Variants in TRIP12 observed in about 807,000 individuals in gnomAD.
TRIP12 encodes the protein E3 ubiquitin-protein ligase TRIP12.
In TRIP12, 25 loss-of-function variants were observed where a neutral mutation model predicts 244.2. The observed-to-expected ratio is 0.10, with a 90% CI of 0.07 to 0.14. The LOEUF (loss-of-function observed/expected upper bound fraction) is 0.14, where lower values mean the gene tolerates loss of function less well. Ranked by LOEUF, TRIP12 falls within the 10% of genes least tolerant of loss-of-function variation. The pLI is 1.00. For synonymous variants in TRIP12, 905 were observed against 873.1 expected (o/e 1.04, Z -0.64); for missense variants, 1,677 against 2,486.4 (o/e 0.67, Z 6.92).
upstream of TRIP12, chr2:229,922,222 G>T: frequency 3.2e-6 from 1 of 312,648 alleles, no homozygotes; most frequent in Non-Finnish European, 6.0e-6. Flanking sequence ...TCCCTTCGAG[G>T]GACCAGGAAG....
intron 1 of TRIP12, among the ~76,000 whole-genome samples, chr2:229,914,884 A>G (rs2075078312): frequency 6.6e-6 from 1 of 152,218 alleles, no homozygotes; most frequent in Non-Finnish European, 1.5e-5. Context: ...CATGCTCTCT[A>G]AAAAGAAACA....
chr2:229,772,282 A>C lies in TRIP12; in HGVS notation c.5695-650T>G, dbSNP rs561607365. Among the ~76,000 whole-genome samples, 28 of 152,374 alleles carry C rather than the reference A, an allele frequency of 1.8e-4. 1 individual carries two copies. The South Asian group carries it at 5.0e-3, about 27-fold the overall frequency. ...TAGGATTTTCTTGATAGAAAATTAT[A>C]AGCATTAGTATAAATTATTTTGAGA... On this transcript the variant is annotated intron_variant, in intron 38 of 41. Transcript: ENST00000675903.
At chr2:229,872,767 T>C (rs2062898892) in intron 2 of TRIP12, among the ~76,000 whole-genome samples, 1 of 152,224 alleles carries the variant, frequency 6.6e-6, no homozygotes, top group Admixed American at 6.5e-5. Context: ...AACTCTTAAG[T>C]ATCCCTATAA....
intron 1 of TRIP12, among the ~76,000 whole-genome samples, chr2:229,890,290 G>A (rs1199284348): frequency 1.3e-5 from 2 of 152,032 alleles, no homozygotes; most frequent in African/African-American, 2.4e-5. Flanking sequence ...ATGTTGGCCA[G>A]GCTGGTCTGG....
chr2:229,845,863 G>A lies in TRIP12; in HGVS notation c.1028-4936C>T, dbSNP rs949744903. Among the ~76,000 whole-genome samples, 6 of 87,760 alleles carry A rather than the reference G, an allele frequency of 6.8e-5. No homozygotes were observed. The South Asian group carries it at 1.3e-3, about 19-fold the overall frequency. The allele number at this position is 87,760 out of a possible 152,430, so 57.6% of individuals were successfully genotyped here. A position where few individuals can be genotyped will look rare whatever the true frequency, so the allele number is the denominator to read the frequency against. Reference sequence around the variant, plus strand: ...CAACATAGTTTCTACAAAAAATTACGAAGAAAAAAAAAAATTAGCTGGGTG... The same window carrying A: ...CAACATAGTTTCTACAAAAAATTACAAAGAAAAAAAAAAATTAGCTGGGTG... On this transcript the variant is annotated intron_variant, in intron 4 of 41. Transcript: ENST00000675903.
At chr2:229,858,026 T>C in intron 4 of TRIP12, among the ~76,000 whole-genome samples, 1 of 152,032 alleles carries the variant, frequency 6.6e-6, no homozygotes, top group East Asian at 1.9e-4. Flanking sequence ...TTTATAGTAA[T>C]AACTTAATTC....
intron 34 of TRIP12, among the ~76,000 whole-genome samples, chr2:229,781,212 T>A (rs2038051788): frequency 6.6e-6 from 1 of 152,234 alleles, no homozygotes; most frequent in South Asian, 2.1e-4. Context: ...ATTATCATTC[T>A]ACCCAACTAC....
intron 1 of TRIP12, among the ~76,000 whole-genome samples, chr2:229,903,722 AAC>A (rs1371745444): frequency 6.6e-6 from 1 of 152,098 alleles, no homozygotes; most frequent in African/African-American, 2.4e-5. Flanking sequence ...TTCATTTAAA[AAC>A]ATGGTTTTGG....
chr2:229,899,785 G>C (rs531797157), intron 1 of TRIP12, among the ~76,000 whole-genome samples: 1 of 152,252 alleles, frequency 6.6e-6, no homozygotes, highest in African/African-American at 2.4e-5. Context: ...GTTCTAGCAA[G>C]AGACAACTTC....
At position 229,859,429 on chromosome 2, in the gene TRIP12, T is replaced by G. The variant is rs1397146202; in HGVS notation, c.370A>C (p.Arg124=). The G allele has an allele frequency of 6.2e-7, 1 of 1,614,106 alleles. No individual in the cohort carries two copies. Among genetic ancestry groups the G allele is most frequent in the Non-Finnish European group, 8.5e-7 (1 of 1,180,048 alleles). ...TTTGCAGAGCTAGGAGAATTGGTCCTGTTGTAGTCTGGACTAGCACTGCGC... is the reference window on the plus strand; with the variant it reads ...TTTGCAGAGCTAGGAGAATTGGTCCGGTTGTAGTCTGGACTAGCACTGCGC... ...VKRSASPDYN[R]TNSPSSAKKP... is the part of the protein sequence containing the mutation. Residue 124 remains arginine, a synonymous_variant, in exon 4 of 42, where the codon AGG becomes CGG. Coordinates refer to ENST00000675903, the MANE Select transcript of TRIP12 (RefSeq NM_001348323.3).
intron 39 of TRIP12, among the ~76,000 whole-genome samples, chr2:229,770,000 T>C (rs1029283790): frequency 1.3e-5 from 2 of 152,188 alleles, no homozygotes; most frequent in African/African-American, 4.8e-5. Flanking sequence ...AGACAAAGCT[T>C]TGCTCTGTTG....
chr2:229,818,525 AAAT>A lies in TRIP12; in HGVS notation c.1451-16_1451-14del. On this transcript the variant is annotated splice_polypyrimidine_tract_variant and intron_variant, in intron 8 of 41. Coordinates refer to ENST00000675903, the MANE Select transcript of TRIP12 (RefSeq NM_001348323.3). Reference sequence around the variant, plus strand: ...TGGGCCTTAGAACCTTTAGAGAAAAAAATAATTATTATCTTTAAACATTTAAGA... The same window carrying A: ...TGGGCCTTAGAACCTTTAGAGAAAAAAATTATTATCTTTAAACATTTAAGA... 2.5e-6 allele frequency: 4 copies of A among 1,609,300 alleles called. No homozygotes were observed. The highest frequency in any genetic ancestry group is 3.4e-6 in the Non-Finnish European group (4 of 1,178,014).
chr2:229,882,590 CA>C (rs1229498596), intron 1 of TRIP12, among the ~76,000 whole-genome samples: 1 of 152,138 alleles, frequency 6.6e-6, no homozygotes, highest in African/African-American at 2.4e-5. Context: ...CTACTTCAAT[CA>C]TCTCAATGCC....
intron 18 of TRIP12, among the ~76,000 whole-genome samples, chr2:229,804,435 T>G (rs1227250091): frequency 6.6e-6 from 1 of 152,196 alleles, no homozygotes; most frequent in African/African-American, 2.4e-5. Flanking sequence ...TTCAGCTGTC[T>G]AGAAAACTAG....
chr2:229,788,555 C>T (rs1360565056), intron 32 of TRIP12, among the ~76,000 whole-genome samples: 1 of 152,192 alleles, frequency 6.6e-6, no homozygotes, highest in Non-Finnish European at 1.5e-5. Context: ...TTTGACTATC[C>T]TCAGCCAAAC....
intron 40 of TRIP12, 30 bp from the exon 41 acceptor site, chr2:229,768,749 T>C: frequency 6.4e-7 from 1 of 1,573,700 alleles, no homozygotes; most frequent in Non-Finnish European, 8.6e-7. Context: ...ACCAAAATTA[T>C]TTCATCAGGT....
At chr2:229,897,050 G>T (rs142638576) in intron 1 of TRIP12, among the ~76,000 whole-genome samples, 1 of 152,162 alleles carries the variant, frequency 6.6e-6, no homozygotes, top group South Asian at 2.1e-4. Flanking sequence ...CACAGGAAAA[G>T]GCTATGCATG....
In TRIP12 at chr2:229,774,236, A is replaced by G. The variant is rs186946750; in HGVS notation, c.5555T>C (p.Leu1852Ser). ...GCAGCCATTCATAGTCAAGGTTTCTAATGCATACTGTAGACTCTCTTTGGT... is the reference window on the plus strand; with the variant it reads ...GCAGCCATTCATAGTCAAGGTTTCTGATGCATACTGTAGACTCTCTTTGGT... ...SQTKESLQYA[L>S]ETLTMNGCSV... Residue 1852 changes from leucine (L) to serine (S), a missense_variant, in exon 38 of 42, where the codon TTA (leucine) becomes TCA (serine). Physicochemically the swap from Leu to Ser is moderately radical, Grantham distance 145 (BLOSUM62 -2). This residue lies in a region of TRIP12 where 171 missense variants were observed against 388.4 expected (regional missense o/e 0.44). Transcript: ENST00000675903. 6.2e-7 allele frequency: 1 copy of G among 1,614,120 alleles called. No individual in the cohort carries two copies.
rs1323810342 is a variant in TRIP12 at position 229,764,064 on chromosome 2, T to C, written c.*3490A>G. ...AAAAATAAAACCACCTCTTCCATTA[T>C]TAAAGAATGTCTCCTTCATGCAGAA... On this transcript the variant is annotated 3_prime_UTR_variant, in exon 42 of 42. Coordinates refer to ENST00000675903, the MANE Select transcript of TRIP12 (RefSeq NM_001348323.3). The C allele has an allele frequency of 6.6e-6, 1 of 152,228 alleles. No individual in the cohort carries two copies. The highest frequency in any genetic ancestry group is 1.5e-5 in the Non-Finnish European group (1 of 68,036). The allele number at this position is 152,228 out of a possible 1,614,324, so 9.4% of individuals were successfully genotyped here.
Sources: gnomAD v4.1 joint callset for allele counts (sites outside exome capture counted in the v4.1 genomes callset) on GRCh38, gnomAD v4.1.1 for gene constraint, gnomAD v4.1.1 regional missense constraint, MANE v1.5 for transcripts, NCBI Gene and HGNC (gene_info 2026-07-23, HGNC 2026-07-21) for gene names.